Variants in SRSF3 observed in about 807,000 individuals in gnomAD.
SRSF3 encodes the protein serine and arginine rich splicing factor 3, also known as serine/arginine-rich splicing factor 3.
For synonymous variants in SRSF3, 87 were observed against 73.6 expected (o/e 1.18, Z -0.93); for missense variants, 58 against 217.1 (o/e 0.27, Z 4.61).
At chr6:36,599,457 A>G (rs1443274450) in intron 3 of SRSF3, 1 of 203,204 alleles carries the variant, frequency 4.9e-6, no homozygotes. Context: ...AGGGGGCTAA[A>G]AAAGAAGTAA....
chr6:36,602,119 C>T lies in SRSF3; in HGVS notation c.*130C>T, dbSNP rs2127506859. The T allele has an allele frequency of 6.7e-7, 1 of 1,481,618 alleles. No homozygotes were observed. The highest frequency in any genetic ancestry group is 9.0e-7 in the Non-Finnish European group (1 of 1,113,202). The allele number at this position is 1,481,618 out of a possible 1,614,324, so 91.8% of individuals were successfully genotyped here. A position where few individuals can be genotyped will look rare whatever the true frequency, so the allele number is the denominator to read the frequency against. ...TTTAAGATGTTTTAGCTGTTCAAAT[C>T]TGTTTGTCTCTTGAAACAGTGACAC... is the stretch of plus-strand genomic sequence containing the variant. On this transcript the variant is annotated 3_prime_UTR_variant, in exon 6 of 6. Coordinates refer to ENST00000373715, the MANE Select transcript of SRSF3 (RefSeq NM_003017.5).
At chr6:36,596,571 TGGCGGGGGGG>T (rs1251872264) in intron 1 of SRSF3, among the ~76,000 whole-genome samples, 180 bp from the exon 2 acceptor site, 1 of 13,776 alleles carries the variant, frequency 7.3e-5, no homozygotes, top group African/African-American at 2.3e-4. Flanking sequence ...TGGGGCGGGG[TGGCGGGGGGG>T]GGGAAATGGG....
chr6:36,599,903 C>T, intron 3 of SRSF3: 1 of 1,351,556 alleles, frequency 7.4e-7, no homozygotes, highest in Non-Finnish European at 9.8e-7. Context: ...GTGACCAGCG[C>T]GCCCCATTCA....
At chr6:36,599,971 C>T in intron 3 of SRSF3, 1 of 1,303,490 alleles carries the variant, frequency 7.7e-7, no homozygotes, top group Non-Finnish European at 1.0e-6. Flanking sequence ...TTGCACCGCC[C>T]TTTGGTTCCC....
intron 1 of SRSF3, among the ~76,000 whole-genome samples, chr6:36,594,987 C>G (rs765232534): frequency 2.6e-5 from 4 of 152,184 alleles, no homozygotes; most frequent in Non-Finnish European, 4.4e-5. Flanking sequence ...TTCGTTCTTT[C>G]ATCGCTTCCC....
At chr6:36,597,739 T>A (rs1354134026) in intron 2 of SRSF3, among the ~76,000 whole-genome samples, 2 of 151,814 alleles carry the variant, frequency 1.3e-5, no homozygotes, top group African/African-American at 2.4e-5. Context: ...TCCCAGTCAC[T>A]CTTCAAATAT....
Position 36,603,658 on chromosome 6 carries a change from CTT to C in SRSF3, c.*1672_*1673del, listed in dbSNP as rs1296724440. On this transcript the variant is annotated 3_prime_UTR_variant, in exon 6 of 6. Coordinates refer to ENST00000373715, the MANE Select transcript of SRSF3 (RefSeq NM_003017.5). The stretch of plus-strand genomic sequence containing the variant: ...AAGTTAAGCATGTTCAAGAAAGACA[CTT>C]TTCAGACAGCCTGTTTATTTACTGA... 2 of 230,416 alleles carry C rather than the reference CTT, an allele frequency of 8.7e-6. No homozygotes were observed. Among genetic ancestry groups the C allele is most frequent in the Admixed American group, 1.1e-4 (2 of 17,708 alleles). 14.3% of individuals were successfully genotyped at this position (230,416 alleles called of 1,614,324 possible).
At chr6:36,601,835 T>A in intron 5 of SRSF3, 41 bp downstream of exon 5, 1 of 1,598,988 alleles carries the variant, frequency 6.3e-7, no homozygotes, top group Non-Finnish European at 8.6e-7. Flanking sequence ...TTTGCATACA[T>A]AGTATGCTAA....
At position 36,603,673 on chromosome 6, in the gene SRSF3, G is replaced by GT. The variant is rs1778760658; in HGVS notation, c.*1687dup. ...AAGAAAGACACTTTTCAGACAGCCT[G>GT]TTTATTTACTGAGAGCTCTGGCATT... On this transcript the variant is annotated 3_prime_UTR_variant, in exon 6 of 6. Coordinates refer to ENST00000373715, the MANE Select transcript of SRSF3 (RefSeq NM_003017.5). 1 of 230,544 alleles carries GT rather than the reference G, an allele frequency of 4.3e-6. No individual in the cohort carries two copies. The highest frequency in any genetic ancestry group is 6.2e-5 in the East Asian group (1 of 16,150). 14.3% of individuals were successfully genotyped at this position (230,544 alleles called of 1,614,324 possible). A position where few individuals can be genotyped will look rare whatever the true frequency, so the allele number is the denominator to read the frequency against.
At position 36,604,316 on chromosome 6, in the gene SRSF3, GAC is replaced by G. The variant is rs1778776686; in HGVS notation, c.*2330_*2331del. 4.7e-6 allele frequency: 1 copy of G among 211,712 alleles called. No homozygotes were observed. The highest frequency in any genetic ancestry group is 2.3e-5 in the African/African-American group (1 of 44,172). The allele number at this position is 211,712 out of a possible 1,614,324, so 13.1% of individuals were successfully genotyped here. A position where few individuals can be genotyped will look rare whatever the true frequency, so the allele number is the denominator to read the frequency against. On this transcript the variant is annotated 3_prime_UTR_variant, in exon 6 of 6. Coordinates refer to ENST00000373715, the MANE Select transcript of SRSF3 (RefSeq NM_003017.5). ...AGGATTATATTTGATTGTTTTCAAA[GAC>G]ACTGGCTGGATGTGGTGGCTCACAC... is the stretch of plus-strand genomic sequence containing the variant.
intron 1 of SRSF3, 111 bp from the exon 2 acceptor site, chr6:36,596,650 A>C: frequency 1.1e-6 from 1 of 885,102 alleles, no homozygotes; most frequent in Non-Finnish European, 1.7e-6. Context: ...TTTTTTCTTT[A>C]CGTGCTACCT....
At chr6:36,601,941 T>TTTTC in intron 5 of SRSF3, 21 bp from the exon 6 acceptor site, 2 of 192,448 alleles carry the variant, frequency 1.0e-5, no homozygotes, top group South Asian at 1.5e-4. Flanking sequence ...TTTTGTTTTC[T>TTTTC]TTTTTTTTTT....
In SRSF3 at chr6:36,596,755, T is replaced by C. The variant is rs1328730621; in HGVS notation, c.-2-6T>C. On this transcript the variant is annotated splice_region_variant and splice_polypyrimidine_tract_variant and intron_variant, in intron 1 of 5. Transcript: ENST00000373715. ...GAATGAATATTTTTGGTATTTTTCA[T>C]TACAGAAATGCATCGTGATTCCTGT... The C allele has an allele frequency of 1.2e-6, 2 of 1,613,154 alleles. No homozygotes were observed. Among genetic ancestry groups the C allele is most frequent in the Non-Finnish European group, 1.7e-6 (2 of 1,179,386 alleles).
At chr6:36,596,341 T>G (rs1441683118) in intron 1 of SRSF3, among the ~76,000 whole-genome samples, 1 of 152,182 alleles carries the variant, frequency 6.6e-6, no homozygotes, top group African/African-American at 2.4e-5. Context: ...AGGACTAGCT[T>G]TCTTCATCAT....
At chr6:36,597,343 TG>T (rs1778647668) in intron 2 of SRSF3, among the ~76,000 whole-genome samples, 1 of 152,070 alleles carries the variant, frequency 6.6e-6, no homozygotes, top group Non-Finnish European at 1.5e-5. Flanking sequence ...TGACCCCAGG[TG>T]ATCTGACCGC....
At chr6:36,601,010 T>TTTTTC (rs2127506380) in intron 3 of SRSF3, 142 bp from the exon 4 acceptor site, 1 of 297,066 alleles carries the variant, frequency 3.4e-6, no homozygotes, top group East Asian at 6.4e-5. Context: ...TCTTTTTTTT[T>TTTTTC]TTTTTTTTTT....
At chr6:36,599,119 A>C in intron 3 of SRSF3, 136 bp downstream of exon 3, 1 of 1,112,218 alleles carries the variant, frequency 9.0e-7, no homozygotes, top group South Asian at 1.6e-5. Flanking sequence ...TGTTGGGTGT[A>C]ATTTGGGGTA....
rs759656339 is a variant in SRSF3 at position 36,602,720 on chromosome 6, G to A, written c.*731G>A. 9.5e-6 allele frequency: 2 copies of A among 211,106 alleles called. No homozygotes were observed. The highest frequency in any genetic ancestry group is 1.9e-5 in the Non-Finnish European group (2 of 103,806). The allele number at this position is 211,106 out of a possible 1,614,324, so 13.1% of individuals were successfully genotyped here. A position where few individuals can be genotyped will look rare whatever the true frequency, so the allele number is the denominator to read the frequency against. On this transcript the variant is annotated 3_prime_UTR_variant, in exon 6 of 6. Transcript: ENST00000373715. ...CTGTGCAAGATTTTTTTTTCATGCT[G>A]TCATTTGTAATATGTTTTGTGAGAA...
rs566961763 is a variant in SRSF3, at chr6:36,599,051, C to G, written c.341+68C>G. 3 of 1,556,496 alleles carry G rather than the reference C, an allele frequency of 1.9e-6. No individual in the cohort carries two copies. The African/African-American group carries it at 4.1e-5, about 21-fold the overall frequency. On this transcript the variant is annotated intron_variant, in intron 3 of 5. Coordinates refer to ENST00000373715, the MANE Select transcript of SRSF3 (RefSeq NM_003017.5). ...GTAGCTAGTAGGAGCAGGTATTTCTCTTAAGTTTGTTGGTGGGTTTTAAAC... is the reference window on the plus strand; with the variant it reads ...GTAGCTAGTAGGAGCAGGTATTTCTGTTAAGTTTGTTGGTGGGTTTTAAAC...
Sources: gnomAD v4.1 joint callset for allele counts (sites outside exome capture counted in the v4.1 genomes callset) on GRCh38, gnomAD v4.1.1 for gene constraint, MANE v1.5 for transcripts, NCBI Gene and HGNC (gene_info 2026-07-23, HGNC 2026-07-21) for gene names.